The following POM121 variants were observed in gnomAD, a reference collection of about 807,000 sequenced individuals.
POM121 encodes the protein nuclear envelope pore membrane protein POM 121.
A neutral mutation model predicts 81.3 loss-of-function variants in POM121; 32 were observed. That is an observed-to-expected ratio of 0.39 (90% CI 0.30 to 0.53). POM121 has a LOEUF of 0.53. Among genes scored for constraint, POM121 ranks in the 20% least tolerant of loss-of-function variants. The pLI is 0.66. For missense variants in POM121, 1,138 were observed against 1,614.6 expected, an observed-to-expected ratio of 0.70 and a Z score of 5.06; for synonymous variants, 514 against 694.2, an observed-to-expected ratio of 0.74 and a Z score of 4.08.
intron 3 of POM121, among the ~76,000 whole-genome samples, chr7:72,903,780 T>G (rs1339483654): frequency 6.6e-6 from 1 of 152,166 alleles, no homozygotes; most frequent in African/African-American, 2.4e-5. Context: ...TGTGTACAAC[T>G]TTTTATTTAT....
chr7:72,937,747 C>T (rs1201587801), intron 5 of POM121, among the ~76,000 whole-genome samples: 43 of 152,078 alleles, frequency 2.8e-4, no homozygotes, highest in Admixed American at 2.8e-3. Context: ...TTGCAGTGTC[C>T]GCTCTGTGCC....
At chr7:72,892,202 C>G (rs1226902102) in intron 3 of POM121, among the ~76,000 whole-genome samples, 1 of 152,220 alleles carries the variant, frequency 6.6e-6, no homozygotes, top group Non-Finnish European at 1.5e-5. Flanking sequence ...TTTATCTAAT[C>G]TCAACTTCTA....
intron 3 of POM121, among the ~76,000 whole-genome samples, chr7:72,903,991 CGGG>C (rs1483410330): frequency 1.3e-5 from 2 of 152,098 alleles, no homozygotes; most frequent in Non-Finnish European, 2.9e-5. Flanking sequence ...TTAGTAGAGA[CGGG>C]GGTTTCACCA....
chr7:72,923,589 ATTTTTTTTTTTT>A (rs1187827150), upstream of POM121, among the ~76,000 whole-genome samples: 39 of 88,764 alleles, frequency 4.4e-4, no homozygotes, highest in African/African-American at 7.2e-4. Flanking sequence ...CGCCCGGCTA[ATTTTTTTTTTTT>A]TTTTTTTTTT....
At chr7:72,901,842 G>T (rs369609473) in intron 3 of POM121, among the ~76,000 whole-genome samples, 4 of 151,844 alleles carry the variant, frequency 2.6e-5, no homozygotes, top group East Asian at 3.9e-4. Context: ...GCTGGGCACG[G>T]TGGCTCACAT....
chr7:72,900,697 T>G (rs28472772), intron 3 of POM121, among the ~76,000 whole-genome samples: 2 of 151,730 alleles, frequency 1.3e-5, no homozygotes, highest in Non-Finnish European at 2.9e-5. Flanking sequence ...AGAGATGGAG[T>G]TTTACCATGT....
intron 1 of POM121, among the ~76,000 whole-genome samples, chr7:72,887,048 C>T (rs2906947): frequency 6.6e-6 from 1 of 151,690 alleles, no homozygotes; most frequent in Non-Finnish European, 1.5e-5. Flanking sequence ...TCCCACAACA[C>T]ACTGTTGCTC....
chr7:72,923,905 A>AT (rs1318208433), upstream of POM121, among the ~76,000 whole-genome samples: 112 of 131,276 alleles, frequency 8.5e-4, no homozygotes, highest in Middle Eastern at 8.1e-3. Context: ...TGGCCTTCTT[A>AT]TTTTTTTTTC....
At chr7:72,911,334 A>G (rs1228636569) in intron 3 of POM121, among the ~76,000 whole-genome samples, 1 of 152,224 alleles carries the variant, frequency 6.6e-6, no homozygotes, top group Non-Finnish European at 1.5e-5. Flanking sequence ...AGAGAAATGT[A>G]ATGGGTGTGC....
At chr7:72,944,559 C>T (rs1419404577) in intron 11 of POM121, among the ~76,000 whole-genome samples, 1 of 152,160 alleles carries the variant, frequency 6.6e-6, no homozygotes, top group African/African-American at 2.4e-5. Flanking sequence ...GCATGTGTTT[C>T]CCAGCGACAC....
intron 1 of POM121, among the ~76,000 whole-genome samples, chr7:72,886,738 AC>A (rs1320630563): frequency 1.6e-4 from 25 of 151,944 alleles, no homozygotes; most frequent in Non-Finnish European, 3.4e-4. Flanking sequence ...CTTCCTGCTT[AC>A]ATTTTTTTCT....
chr7:72,882,485 A>G (rs1408576138), intron 1 of POM121, among the ~76,000 whole-genome samples: 1 of 152,240 alleles, frequency 6.6e-6, no homozygotes, highest in Non-Finnish European at 1.5e-5. Flanking sequence ...TCAAGTTGGT[A>G]TAATTGTGGA....
chr7:72,926,154 G>T, intron 1 of POM121, 108 bp from the exon 2 acceptor site: 2 of 1,182,148 alleles, frequency 1.7e-6, no homozygotes, highest in Non-Finnish European at 2.4e-6. Flanking sequence ...TGCTTAGAAA[G>T]AGACTTAAGT....
intron 11 of POM121, among the ~76,000 whole-genome samples, chr7:72,944,894 AGT>A (rs1167169819): frequency 6.6e-6 from 1 of 152,180 alleles, no homozygotes; most frequent in African/African-American, 2.4e-5. Flanking sequence ...GAAGGAAGCC[AGT>A]GAGCCAAGGG....
chr7:72,905,944 C>T (rs1346280708), intron 3 of POM121, among the ~76,000 whole-genome samples: 2 of 151,974 alleles, frequency 1.3e-5, no homozygotes, highest in Admixed American at 6.6e-5. Flanking sequence ...TTGTTGAGAA[C>T]GTTGCATTTT....
Position 72,910,045 on chromosome 7 carries a change from C to T in POM121, c.-215-3720C>T, listed in dbSNP as rs782637873. On this transcript the variant is annotated intron_variant, in intron 3 of 15. Coordinates refer to the POM121 transcript ENST00000395270. ...TGGTTGTTTTCACACATGGGCACTTCGAGGGCATGGCCAGGACTTCTACAC... is the reference window on the plus strand; with the variant it reads ...TGGTTGTTTTCACACATGGGCACTTTGAGGGCATGGCCAGGACTTCTACAC... Among the ~76,000 whole-genome samples, 6 of 152,168 alleles carry T rather than the reference C, an allele frequency of 3.9e-5. No individual in the cohort carries two copies. The East Asian group carries it at 5.8e-4, about 15-fold the overall frequency.
At position 72,945,587 on chromosome 7, in the gene POM121, C is replaced by T. The variant is rs782819395; in HGVS notation, c.3531C>T (p.Gly1177=). ...AGCTCTCTGTTCTCTTCATTCCAGG[C>T]ACCGCCACCCCCACCTTTGGTCTGA... ...STTESKPVFG[G]TATPTFGLNT... Residue 1177 remains glycine (G), a splice_region_variant and synonymous_variant, in exon 12 of 13, where the codon GGC becomes GGT. Coordinates refer to ENST00000434423, the MANE Select transcript of POM121 (RefSeq NM_001387691.1). The T allele has an allele frequency of 2.7e-5, 44 of 1,613,108 alleles. No individual in the cohort carries two copies. The highest frequency in any genetic ancestry group is 3.6e-5 in the Non-Finnish European group (42 of 1,179,682).
At position 72,939,910 on chromosome 7, in the gene POM121, G is replaced by A. The variant is rs1554500482; in HGVS notation, c.1505G>A (p.Gly502Glu). ...SNSQSTPGSSGQRKRKVQLLP... is the reference protein window; with the variant it reads ...SNSQSTPGSSEQRKRKVQLLP... ...TCTCAGTCTACACCTGGCAGCTCTG[G>A]GCAGCGTAAGCGGAAAGTTCAGCTG... The change falls in exon 8 of 13, where the codon GGG becomes GAG. Residue 502 changes from glycine to glutamate, a missense_variant. Physicochemically the swap from Gly to Glu is moderately conservative, Grantham distance 98 (BLOSUM62 -2). Transcript: ENST00000434423. The A allele has an allele frequency of 6.2e-7, 1 of 1,608,972 alleles. No individual in the cohort carries two copies. Among genetic ancestry groups the A allele is most frequent in the Admixed American group, 1.7e-5 (1 of 59,900 alleles).
At chr7:72,884,854 T>C (rs1440152392) in intron 1 of POM121, among the ~76,000 whole-genome samples, 3 of 152,040 alleles carry the variant, frequency 2.0e-5, no homozygotes, top group Non-Finnish European at 4.4e-5. Context: ...GCTCATAAAA[T>C]CAAGAATATT....
Sources: gnomAD v4.1 joint callset for allele counts (sites outside exome capture counted in the v4.1 genomes callset) on GRCh38, gnomAD v4.1.1 for gene constraint, MANE v1.5 for transcripts, NCBI Gene and HGNC (gene_info 2026-07-23, HGNC 2026-07-21) for gene names.